The following RHNO1 variants were observed in gnomAD, a reference collection of about 807,000 sequenced individuals.
The protein encoded by RHNO1 is RAD9-HUS1-RAD1 interacting nuclear orphan 1, also known as RAD9, HUS1, RAD1-interacting nuclear orphan protein 1.
RHNO1 carries 9 observed loss-of-function variants against 7.2 expected under a neutral mutation model. The observed-to-expected ratio is 1.25, with a 90% CI of 0.75 to 2.18. The LOEUF is 2.18. RHNO1 is among the 30% of genes most tolerant of loss of function. The probability of loss-of-function intolerance (pLI) is 0.00; values close to 1 mark genes in which losing one functional copy is unlikely to be tolerated. For missense variants in RHNO1, 292 were observed against 284.5 expected (o/e 1.03, Z -0.19); for synonymous variants, 95 against 107.5 (o/e 0.88, Z 0.72).
At position 2,889,091 on chromosome 12, in the gene RHNO1, AG is replaced by A. The variant is rs1308539100; in HGVS notation, c.*633del. Reference sequence around the variant, plus strand: ...CAAACTAATTCATTCTGCATTTTTGAGTACCAACTCTTGTCAGGCTCAGTGG... The same window carrying A: ...CAAACTAATTCATTCTGCATTTTTGATACCAACTCTTGTCAGGCTCAGTGG... On this transcript the variant is annotated 3_prime_UTR_variant, in exon 3 of 3. Transcript: ENST00000489288. 6.6e-6 allele frequency: 1 copy of A among 152,150 alleles called. No individual in the cohort carries two copies. The highest frequency in any genetic ancestry group is 1.5e-5 in the Non-Finnish European group (1 of 68,042). 9.4% of individuals were successfully genotyped at this position (152,150 alleles called of 1,614,324 possible). A position where few individuals can be genotyped will look rare whatever the true frequency, so the allele number is the denominator to read the frequency against.
At chr12:2,883,006 G>A (rs539165823) in intron 1 of RHNO1, among the ~76,000 whole-genome samples, 2 of 147,884 alleles carry the variant, frequency 1.4e-5, no homozygotes, top group African/African-American at 2.5e-5. Context: ...GGTTGAGGCT[G>A]CAATGATCCA....
rs1186277943 is a variant in RHNO1 at position 2,888,390 on chromosome 12, A to G, written c.648A>G (p.Arg216=). 12 of 1,613,256 alleles carry G rather than the reference A, an allele frequency of 7.4e-6. No individual in the cohort carries two copies. Among genetic ancestry groups the G allele is most frequent in the Non-Finnish European group, 1.0e-5 (12 of 1,179,726 alleles). Residue 216 remains arginine (R), a synonymous_variant, in exon 3 of 3, where the codon CGA becomes CGG. Transcript: ENST00000489288. The stretch of plus-strand genomic sequence containing the variant: ...GAATAAAGGTCACATGGAGGAGACG[A>G]CAGCACCTGCTTGCTTACCTCAGGG... ...KYGIKVTWRR[R]QHLLAYLRER... is the part of the protein sequence containing the mutation.
rs766990128 is a variant in RHNO1, at chr12:2,885,464, C to A, written c.98C>A (p.Thr33Lys). The A allele has an allele frequency of 1.2e-6, 2 of 1,613,762 alleles. No homozygotes were observed. Among genetic ancestry groups the A allele is most frequent in the South Asian group, 2.2e-5 (2 of 91,070 alleles). ...LEGPKHSCASTQLPITHTRQV... is the reference protein window; with the variant it reads ...LEGPKHSCASKQLPITHTRQV... ...GGCCCCAAACACAGCTGTGCATCTA[C>A]ACAGCTTCCCATCACTCACACTCGA... is the stretch of plus-strand genomic sequence containing the variant. The change falls in exon 2 of 3, where the codon ACA becomes AAA. Residue 33 changes from threonine (T) to lysine (K), a missense_variant. By Grantham distance (78) the Thr-to-Lys change is moderately conservative. Transcript: ENST00000489288.
chr12:2,879,133 G>A (rs2098153952), intron 1 of RHNO1, among the ~76,000 whole-genome samples: 3 of 151,366 alleles, frequency 2.0e-5, no homozygotes. Flanking sequence ...CTGAATGGCT[G>A]GGACCCCCTA....
At chr12:2,886,713 A>G (rs1172655070) in intron 2 of RHNO1, among the ~76,000 whole-genome samples, 1 of 152,066 alleles carries the variant, frequency 6.6e-6, no homozygotes, top group Non-Finnish European at 1.5e-5. Context: ...CTACTATACA[A>G]CAGGAAAGTA....
At chr12:2,877,773 C>G (rs2098149673) in intron 1 of RHNO1, among the ~76,000 whole-genome samples, 1 of 152,254 alleles carries the variant, frequency 6.6e-6, no homozygotes, top group African/African-American at 2.4e-5. Flanking sequence ...AGTTGAGCAA[C>G]TGCTGTGCGC....
intron 1 of RHNO1, 115 bp from the exon 2 acceptor site, chr12:2,885,168 G>T (rs1053413451): frequency 3.7e-6 from 2 of 539,298 alleles, no homozygotes; most frequent in Non-Finnish European, 6.6e-6. Context: ...GTAGGTATAG[G>T]AGGCTGTGCT....
intron 1 of RHNO1, among the ~76,000 whole-genome samples, chr12:2,879,243 A>G (rs574097785): frequency 6.6e-6 from 1 of 152,086 alleles, no homozygotes; most frequent in Admixed American, 6.5e-5. Context: ...GGTTCAAGTG[A>G]TCCTCCCACC....
At position 2,885,561 on chromosome 12, in the gene RHNO1, A is replaced by ATT. The variant is rs10558952; in HGVS notation, c.168+57_168+58dup. On this transcript the variant is annotated intron_variant, in intron 2 of 2. Transcript: ENST00000489288. ...TAGGCCCATGGGATTACTATTTGACATTTTTTTTTTTTTTTTTTTTTTTTT... is the reference window on the plus strand; with the variant it reads ...TAGGCCCATGGGATTACTATTTGACATTTTTTTTTTTTTTTTTTTTTTTTTTT... The ATT allele has an allele frequency of 8.5e-3, 3,367 of 396,432 alleles. 35 individuals are homozygous for ATT. The highest frequency in any genetic ancestry group is 0.024 in the African/African-American group (369 of 15,412). 24.6% of individuals were successfully genotyped at this position (396,432 alleles called of 1,614,324 possible). A position where few individuals can be genotyped will look rare whatever the true frequency, so the allele number is the denominator to read the frequency against.
chr12:2,882,522 G>A (rs2098159195), intron 1 of RHNO1, among the ~76,000 whole-genome samples: 1 of 151,838 alleles, frequency 6.6e-6, no homozygotes, highest in South Asian at 2.1e-4. Context: ...GGCCAAAATG[G>A]TGAAACCTCA....
At chr12:2,880,849 G>A (rs2098156660) in intron 1 of RHNO1, among the ~76,000 whole-genome samples, 1 of 151,908 alleles carries the variant, frequency 6.6e-6, no homozygotes, top group African/African-American at 2.4e-5. Flanking sequence ...ATGTTGCCCA[G>A]GCTGGTCTTG....
rs1035380996 is a variant in RHNO1 at position 2,880,697 on chromosome 12, G to A, written c.-85+3415G>A. On this transcript the variant is annotated intron_variant, in intron 1 of 2. Transcript: ENST00000489288. ...CACCTAGGCTAGAGTGCAGTGGCAC[G>A]ATCATAGCTCACCATATCTTCAAAT... Among the ~76,000 whole-genome samples, 12 of 152,058 alleles carry A rather than the reference G, an allele frequency of 7.9e-5. 1 individual carries two copies. The highest frequency in any genetic ancestry group is 1.5e-4 in the African/African-American group (6 of 41,320).
rs2098167620 is a variant in RHNO1 at position 2,887,983 on chromosome 12, C to G, written c.241C>G (p.His81Asp). 2 of 1,613,624 alleles carry G rather than the reference C, an allele frequency of 1.2e-6. No individual in the cohort carries two copies. Among genetic ancestry groups the G allele is most frequent in the Non-Finnish European group, 1.7e-6 (2 of 1,179,876 alleles). ...AYQKHQNRAR[H>D]SSRKPTTSKF... ...CCAGAAACACCAAAACCGGGCGAGA[C>G]ACTCAAGTCGAAAACCTACCACCTC... The change falls in exon 3 of 3, where the codon CAC becomes GAC. Residue 81 changes from histidine to aspartate, a missense_variant. Physicochemically the swap from His to Asp is moderately conservative, Grantham distance 81. Transcript: ENST00000489288.
chr12:2,887,130 G>A (rs980962004), intron 2 of RHNO1: 50 of 378,864 alleles, frequency 1.3e-4, no homozygotes, highest in African/African-American at 8.5e-4. Flanking sequence ...ATCACTTGAG[G>A]TCAGGAGTTT....
chr12:2,877,961 A>T (rs1163426054), intron 1 of RHNO1: 1 of 152,288 alleles, frequency 6.6e-6, no homozygotes, highest in East Asian at 1.9e-4. Context: ...CGGGTGGATC[A>T]CTTGAGGTCA....
chr12:2,880,398 C>G (rs752923207), intron 1 of RHNO1, among the ~76,000 whole-genome samples: 64 of 152,020 alleles, frequency 4.2e-4, no homozygotes, highest in South Asian at 3.9e-3. Context: ...GGGCAGATCA[C>G]CTGAGGTCAG....
chr12:2,885,420 C>A lies in RHNO1; in HGVS notation c.54C>A (p.Phe18Leu), dbSNP rs1161849884. 1.5e-5 allele frequency: 24 copies of A among 1,614,030 alleles called. No individual in the cohort carries two copies. Among genetic ancestry groups the A allele is most frequent in the Non-Finnish European group, 2.0e-5 (24 of 1,179,996 alleles). Residue 18 changes from phenylalanine (F) to leucine (L), a missense_variant, in exon 2 of 3, where the codon TTC (phenylalanine) becomes TTA (leucine). Coordinates refer to ENST00000489288, the MANE Select transcript of RHNO1 (RefSeq NM_001252499.3). Reference sequence around the variant, plus strand: ...CTTCCCAGAAAGCCCCGCTGCTGTTCCACCAACAACCACTGGAGGGCCCCA... The same window carrying A: ...CTTCCCAGAAAGCCCCGCTGCTGTTACACCAACAACCACTGGAGGGCCCCA... ...RQPSQKAPLL[F>L]HQQPLEGPKH...
At chr12:2,883,072 A>AAAAAAAAAAAAAAAAC (rs2098160179) in intron 1 of RHNO1, among the ~76,000 whole-genome samples, 1 of 65,156 alleles carries the variant, frequency 1.5e-5, no homozygotes. Context: ...GTCTCAAAAA[A>AAAAAAAAAAAAAAAAC]AAAAAAAAAA....
Position 2,888,025 on chromosome 12 carries a change from A to T in RHNO1, c.283A>T (p.Thr95Ser). 6.2e-7 allele frequency: 1 copy of T among 1,613,914 alleles called. No homozygotes were observed. Among genetic ancestry groups the T allele is most frequent in the Non-Finnish European group, 8.5e-7 (1 of 1,179,992 alleles). ...TACCACCTCCAAGTTTCCACATCTA[A>T]CTTTTGAGAGTCCGCAATCTTCCAG... ...KPTTSKFPHLTFESPQSSSSE... is the reference protein window; with the variant it reads ...KPTTSKFPHLSFESPQSSSSE... Residue 95 changes from threonine to serine, a missense_variant, in exon 3 of 3, where the codon ACT (threonine) becomes TCT (serine). Physicochemically the swap from Thr to Ser is moderately conservative, Grantham distance 58. Coordinates refer to ENST00000489288, the MANE Select transcript of RHNO1 (RefSeq NM_001252499.3).
Sources: gnomAD v4.1 joint callset for allele counts (sites outside exome capture counted in the v4.1 genomes callset) on GRCh38, gnomAD v4.1.1 for gene constraint, MANE v1.5 for transcripts, NCBI Gene and HGNC (gene_info 2026-07-23, HGNC 2026-07-21) for gene names.